Variants in PMP22 observed in about 807,000 individuals in gnomAD.
PMP22 encodes the protein Charcot-Marie-Tooth neuropathy 1A (greatly reduced nerve conduction velocity, hereditary motor sensory neuropathy Ia).
In PMP22, 2 loss-of-function variants were observed where a neutral mutation model predicts 18.9. The ratio of observed to expected loss-of-function variants is 0.11; its 90% CI spans 0.04 to 0.33. PMP22 has a LOEUF of 0.33. Ranked by LOEUF, PMP22 falls within the 10% of genes least tolerant of loss-of-function variation. The pLI, the probability that PMP22 is intolerant of heterozygous loss-of-function variation, is 1.00. For missense variants in PMP22, 169 were observed against 202.2 expected (o/e 0.84, Z 1.00); for synonymous variants, 95 against 89.2 (o/e 1.07, Z -0.37).
chr17:15,253,192 G>A (rs1396019645), intron 3 of PMP22, among the ~76,000 whole-genome samples: 2 of 152,240 alleles, frequency 1.3e-5, no homozygotes, highest in East Asian at 3.9e-4. Context: ...AAAGCTCCAG[G>A]AACTGGCCTC....
In PMP22 at chr17:15,258,729, C is replaced by A; in HGVS notation, c.178+365G>T. ...TTCTGAATAGAGACAGCCACCAAAC[C>A]AAAGATACACGTTTGATCCAATGTC... is the stretch of plus-strand genomic sequence containing the variant. On this transcript the variant is annotated intron_variant, in intron 3 of 4. Coordinates refer to ENST00000312280, the MANE Select transcript of PMP22 (RefSeq NM_000304.4). The surrounding 1 kb of genome is among the most constrained non-coding windows in gnomAD (Gnocchi z 4.1). 2.9e-6 allele frequency: 1 copy of A among 344,568 alleles called. No homozygotes were observed. Among genetic ancestry groups the A allele is most frequent in the Non-Finnish European group, 5.7e-6 (1 of 175,932 alleles). 21.3% of individuals were successfully genotyped at this position (344,568 alleles called of 1,614,324 possible). A position where few individuals can be genotyped will look rare whatever the true frequency, so the allele number is the denominator to read the frequency against.
chr17:15,260,751 G>A lies in PMP22; in HGVS notation c.-24C>T. The A allele has an allele frequency of 6.5e-7, 1 of 1,547,116 alleles. No individual in the cohort carries two copies. Among genetic ancestry groups the A allele is most frequent in the East Asian group, 2.4e-5 (1 of 40,882 alleles). ...ATTCTGGCGGCAAGTTCTGCTCAGCGGAGTTTCTGCCTGCGAGGAGAGCGC... is the reference window on the plus strand; with the variant it reads ...ATTCTGGCGGCAAGTTCTGCTCAGCAGAGTTTCTGCCTGCGAGGAGAGCGC... On this transcript the variant is annotated 5_prime_UTR_variant, in exon 2 of 5. Transcript: ENST00000312280.
At chr17:15,260,817 GC>G in intron 1 of PMP22, 56 bp from the exon 2 acceptor site, 1 of 1,179,018 alleles carries the variant, frequency 8.5e-7, no homozygotes, top group East Asian at 2.6e-5. Context: ...CGACGGAGGC[GC>G]GCGCAGAGGG....
chr17:15,238,099 T>A (rs1322330407), intron 4 of PMP22, among the ~76,000 whole-genome samples: 2 of 152,040 alleles, frequency 1.3e-5, no homozygotes, highest in African/African-American at 2.4e-5. Context: ...AGAAATGATA[T>A]CTCCTTGCAT....
intron 4 of PMP22, among the ~76,000 whole-genome samples, chr17:15,234,214 C>T (rs1479922661): frequency 1.3e-5 from 2 of 152,112 alleles, no homozygotes; most frequent in Non-Finnish European, 2.9e-5. Context: ...CCAGCATGAC[C>T]GCCTGGTGTG....
intron 3 of PMP22, among the ~76,000 whole-genome samples, chr17:15,250,520 G>A (rs1451948163): frequency 2.0e-5 from 3 of 152,066 alleles, no homozygotes; most frequent in African/African-American, 7.2e-5. Context: ...CTCTCTGATG[G>A]TCAAAATATA....
At chr17:15,252,547 T>C (rs1908450311) in intron 3 of PMP22, among the ~76,000 whole-genome samples, 1 of 152,218 alleles carries the variant, frequency 6.6e-6, no homozygotes, top group African/African-American at 2.4e-5. Context: ...AATGAGGGGC[T>C]GCAGGTACTG....
In PMP22 at chr17:15,239,582, T is replaced by G. The variant is rs1907129282; in HGVS notation, c.208A>C (p.Ile70Leu). 6.2e-7 allele frequency: 1 copy of G among 1,613,894 alleles called. No homozygotes were observed. Among genetic ancestry groups the G allele is most frequent in the East Asian group, 2.2e-5 (1 of 44,864 alleles). ...EWLQSVQATM[I>L]LSIIFSILSL... ...AGAATGCTGAAGATGATCGACAGGA[T>G]CATGGTGGCCTGGACAGACTGCAGC... Residue 70 changes from isoleucine to leucine, a missense_variant, in exon 4 of 5, where the codon ATC becomes CTC. Coordinates refer to ENST00000312280, the MANE Select transcript of PMP22 (RefSeq NM_000304.4).
chr17:15,230,874 T>A lies in PMP22; in HGVS notation c.*43A>T. The A allele has an allele frequency of 6.2e-7, 1 of 1,607,496 alleles. No homozygotes were observed. The highest frequency in any genetic ancestry group is 8.5e-7 in the Non-Finnish European group (1 of 1,175,044). On this transcript the variant is annotated 3_prime_UTR_variant, in exon 5 of 5. Transcript: ENST00000312280. The stretch of plus-strand genomic sequence containing the variant: ...TGCTTTCTGTTTTCCCTTCCTCCCT[T>A]CCCTATGTACGCTCAGAGCCTCAGA...
chr17:15,260,017 A>C (rs1369640767), intron 2 of PMP22, among the ~76,000 whole-genome samples: 1 of 152,178 alleles, frequency 6.6e-6, no homozygotes, highest in Non-Finnish European at 1.5e-5. Context: ...TAAATTAAGA[A>C]GTGAAAGCCA....
chr17:15,257,800 G>T lies in PMP22; in HGVS notation c.178+1294C>A, dbSNP rs182167289. Among the ~76,000 whole-genome samples, 8 of 152,294 alleles carry T rather than the reference G, an allele frequency of 5.3e-5. No individual in the cohort carries two copies. The East Asian group carries it at 1.5e-3, about 29-fold the overall frequency. On this transcript the variant is annotated intron_variant, in intron 3 of 4. Coordinates refer to ENST00000312280, the MANE Select transcript of PMP22 (RefSeq NM_000304.4). Reference sequence around the variant, plus strand: ...CCAATAGGACTGGGACCTTTTCTCTGCTCCCTCCCCAACCCAGAAGGTAAA... The same window carrying T: ...CCAATAGGACTGGGACCTTTTCTCTTCTCCCTCCCCAACCCAGAAGGTAAA...
rs987768280 is a variant in PMP22, at chr17:15,230,740, A to G, written c.*177T>C. On this transcript the variant is annotated 3_prime_UTR_variant, in exon 5 of 5. Transcript: ENST00000312280. ...AAAAGTGTTATAAATAGGTTTTATA[A>G]ACCGGAGATATTATATACATCTTCA... The G allele has an allele frequency of 1.4e-5, 9 of 637,336 alleles. No homozygotes were observed. The East Asian group carries it at 1.9e-4, about 13-fold the overall frequency. The allele number at this position is 637,336 out of a possible 1,614,324, so 39.5% of individuals were successfully genotyped here.
chr17:15,244,732 T>C (rs1907644259), intron 3 of PMP22, among the ~76,000 whole-genome samples: 1 of 152,152 alleles, frequency 6.6e-6, no homozygotes, highest in Admixed American at 6.5e-5. Flanking sequence ...TAATTGCGTA[T>C]AGACATCCAC....
chr17:15,243,020 G>A (rs1444473824), intron 3 of PMP22, among the ~76,000 whole-genome samples: 2 of 152,076 alleles, frequency 1.3e-5, no homozygotes, highest in Non-Finnish European at 2.9e-5. Flanking sequence ...CACACCTGTG[G>A]GTTGTAACCA....
At chr17:15,233,674 C>T (rs1906548510) in intron 4 of PMP22, among the ~76,000 whole-genome samples, 1 of 152,196 alleles carries the variant, frequency 6.6e-6, no homozygotes, top group African/African-American at 2.4e-5. Context: ...CTAGCTGCTG[C>T]TCTAGATGTA....
chr17:15,234,303 A>G (rs1906607566), intron 4 of PMP22, among the ~76,000 whole-genome samples: 1 of 152,200 alleles, frequency 6.6e-6, no homozygotes, highest in Admixed American at 6.5e-5. Context: ...AGCTAACAGT[A>G]TTGAAAGGAG....
intron 1 of PMP22, among the ~76,000 whole-genome samples, chr17:15,264,805 G>A (rs1909602218): frequency 6.6e-6 from 1 of 152,126 alleles, no homozygotes; most frequent in Non-Finnish European, 1.5e-5. Flanking sequence ...CTCTGCCACA[G>A]GTGGCAGCTT....
intron 3 of PMP22, among the ~76,000 whole-genome samples, chr17:15,257,021 C>T (rs919199484): frequency 6.6e-6 from 1 of 152,146 alleles, no homozygotes; most frequent in Non-Finnish European, 1.5e-5. Flanking sequence ...TTTCAAAATG[C>T]CCTGATTGTG....
chr17:15,244,826 G>A (rs1272971811), intron 3 of PMP22, among the ~76,000 whole-genome samples: 2 of 152,240 alleles, frequency 1.3e-5, no homozygotes, highest in South Asian at 2.1e-4. Flanking sequence ...CTGTTGCAAC[G>A]AAGAAGAGTT....
Sources: gnomAD v4.1 joint callset for allele counts (sites outside exome capture counted in the v4.1 genomes callset) on GRCh38, gnomAD v4.1.1 for gene constraint, Gnocchi (gnomAD v3.1) non-coding constraint, MANE v1.5 for transcripts, NCBI Gene and HGNC (gene_info 2026-07-23, HGNC 2026-07-21) for gene names.